NCKAP5: variants seen among roughly 807,000 people sequenced by gnomAD.
The protein encoded by NCKAP5 is nck-associated protein 5.
Under a neutral mutation model 167.0 loss-of-function variants are expected in NCKAP5, and 92 were observed. The ratio of observed to expected loss-of-function variants is 0.55; its 90% CI spans 0.47 to 0.66. NCKAP5 has a LOEUF of 0.66. NCKAP5 is among the 30% of genes least tolerant of loss of function. The probability of loss-of-function intolerance (pLI) is 0.00; values close to 1 mark genes in which losing one functional copy is unlikely to be tolerated. For missense variants in NCKAP5, 2,378 were observed against 2,315.0 expected, an observed-to-expected ratio of 1.03 and a Z score of -0.56; for synonymous variants, 891 against 877.4, an observed-to-expected ratio of 1.02 and a Z score of -0.27.
At chr2:133,176,419 T>C (rs1412185224) in intron 5 of NCKAP5, among the ~76,000 whole-genome samples, 1 of 152,218 alleles carries the variant, frequency 6.6e-6, no homozygotes, top group Non-Finnish European at 1.5e-5. Flanking sequence ...TTTTTTTTAA[T>C]GTGCTGAACA....
chr2:133,245,910 A>G (rs1363481940), intron 4 of NCKAP5, among the ~76,000 whole-genome samples: 3 of 152,008 alleles, frequency 2.0e-5, no homozygotes, highest in South Asian at 2.1e-4. Context: ...AAAAAAAAAA[A>G]AAAAATGGAG....
chr2:133,283,448 T>G (rs1287548488), intron 4 of NCKAP5, among the ~76,000 whole-genome samples: 3 of 152,174 alleles, frequency 2.0e-5, no homozygotes, highest in Non-Finnish European at 2.9e-5. Context: ...ATTCTATAAT[T>G]TTATGTTTAT....
chr2:133,417,603 T>A (rs143949447), intron 3 of NCKAP5, among the ~76,000 whole-genome samples: 1 of 152,288 alleles, frequency 6.6e-6, no homozygotes, highest in Non-Finnish European at 1.5e-5. Flanking sequence ...ACCTCTCAGT[T>A]GAGAGGCCTC....
intron 8 of NCKAP5, among the ~76,000 whole-genome samples, chr2:132,921,104 C>T (rs1695393044): frequency 6.6e-6 from 1 of 151,764 alleles, no homozygotes; most frequent in African/African-American, 2.4e-5. Context: ...ATCCTTAAAC[C>T]CTTCCTTGGT....
At chr2:132,881,728 T>C in intron 8 of NCKAP5, among the ~76,000 whole-genome samples, 1 of 152,118 alleles carries the variant, frequency 6.6e-6, no homozygotes, top group East Asian at 1.9e-4. Context: ...GACCTGCTGC[T>C]GGACATGTTA....
the NCKAP5 span, among the ~76,000 whole-genome samples, chr2:133,627,595 G>A: frequency 5.9e-5 from 9 of 152,034 alleles, no homozygotes; most frequent in African/African-American, 1.2e-4. Context: ...ACAGCACGGC[G>A]AAACCCCGTC....
chr2:133,381,932 G>C lies in NCKAP5; in HGVS notation c.70-78822C>G, dbSNP rs372318733. Among the ~76,000 whole-genome samples the C allele has an allele frequency of 5.7e-4, 87 of 152,280 alleles. 2 individuals are homozygous for C. The highest frequency in any genetic ancestry group is 2.0e-3 in the African/African-American group (82 of 41,556). ...CTGAAGTTTGGGTAAGCCCACAAAGGGGAAAGCTCCTCCAGAGGCCCTGCA... is the reference window on the plus strand; with the variant it reads ...CTGAAGTTTGGGTAAGCCCACAAAGCGGAAAGCTCCTCCAGAGGCCCTGCA... On this transcript the variant is annotated intron_variant, in intron 3 of 19. Coordinates refer to ENST00000409261, the MANE Select transcript of NCKAP5 (RefSeq NM_207363.3).
intron 3 of NCKAP5, among the ~76,000 whole-genome samples, chr2:133,382,248 C>T (rs537273253): frequency 2.6e-5 from 4 of 152,260 alleles, no homozygotes; most frequent in Admixed American, 2.6e-4. Flanking sequence ...TATACCTACC[C>T]CATTACTATG....
chr2:132,827,706 A>C (rs1687229196), intron 11 of NCKAP5, among the ~76,000 whole-genome samples: 1 of 152,182 alleles, frequency 6.6e-6, no homozygotes, highest in Admixed American at 6.5e-5. Flanking sequence ...AAAATTACTC[A>C]ACAAGACATT....
rs571373510 is a variant in NCKAP5, at chr2:133,491,894, G to T, written c.69+25564C>A. Among the ~76,000 whole-genome samples the T allele has an allele frequency of 2.6e-5, 4 of 152,324 alleles. No individual in the cohort carries two copies. The East Asian group carries it at 7.7e-4, about 29-fold the overall frequency. ...TGTTTATTTCTGTTGACAGAAGCTT[G>T]TGAAAATATGTATTTCTTTGCAATA... On this transcript the variant is annotated intron_variant, in intron 3 of 19. Coordinates refer to ENST00000409261, the MANE Select transcript of NCKAP5 (RefSeq NM_207363.3).
intron 3 of NCKAP5, among the ~76,000 whole-genome samples, chr2:133,492,144 AGTGT>A (rs371797170): frequency 7.1e-6 from 1 of 141,558 alleles, no homozygotes; most frequent in Admixed American, 7.1e-5. Context: ...ATATCTAGTT[AGTGT>A]GTGTGTGTGT....
intron 8 of NCKAP5, among the ~76,000 whole-genome samples, chr2:132,908,634 G>T (rs1190337142): frequency 1.3e-5 from 2 of 152,116 alleles, no homozygotes; most frequent in Non-Finnish European, 2.9e-5. Context: ...AATGCAGGAG[G>T]TGACATTTAT....
intron 3 of NCKAP5, among the ~76,000 whole-genome samples, chr2:133,427,349 A>C (rs2151112595): frequency 6.6e-6 from 1 of 152,340 alleles, no homozygotes; most frequent in South Asian, 2.1e-4. Context: ...TACAAGAAGT[A>C]TGAGACAGAA....
chr2:132,878,355 T>C (rs1303700922), intron 9 of NCKAP5, among the ~76,000 whole-genome samples: 4 of 151,460 alleles, frequency 2.6e-5, no homozygotes, highest in Admixed American at 2.6e-4. Context: ...GTTCTGAATC[T>C]ACTGATTTTT....
intron 3 of NCKAP5, among the ~76,000 whole-genome samples, chr2:133,352,361 G>A (rs528981939): frequency 2.0e-5 from 3 of 152,188 alleles, no homozygotes; most frequent in East Asian, 3.8e-4. Flanking sequence ...TGCATAAGTT[G>A]CTCAATAAAT....
chr2:132,828,797 C>T (rs1687313204), intron 11 of NCKAP5, among the ~76,000 whole-genome samples: 1 of 152,170 alleles, frequency 6.6e-6, no homozygotes, highest in South Asian at 2.1e-4. Context: ...CAGCACACAA[C>T]ACTGAGAAGC....
intron 8 of NCKAP5, among the ~76,000 whole-genome samples, chr2:132,939,346 A>G (rs1436188377): frequency 6.6e-6 from 1 of 152,208 alleles, no homozygotes; most frequent in Non-Finnish European, 1.5e-5. Context: ...ATTGGATGTC[A>G]TTCATGCACA....
chr2:132,911,989 G>T (rs1694492089), intron 8 of NCKAP5, among the ~76,000 whole-genome samples: 1 of 152,114 alleles, frequency 6.6e-6, no homozygotes, highest in African/African-American at 2.4e-5. Flanking sequence ...TGTGAGCTGG[G>T]GATATCTGCA....
chr2:132,889,443 A>G (rs1692509224), intron 8 of NCKAP5, among the ~76,000 whole-genome samples: 1 of 152,164 alleles, frequency 6.6e-6, no homozygotes, highest in East Asian at 1.9e-4. Flanking sequence ...GAAAATAAAG[A>G]TGGATAAAAT....
Sources: gnomAD v4.1 joint callset for allele counts (sites outside exome capture counted in the v4.1 genomes callset) on GRCh38, gnomAD v4.1.1 for gene constraint, MANE v1.5 for transcripts, NCBI Gene and HGNC (gene_info 2026-07-23, HGNC 2026-07-21) for gene names.